The following BCAS1 variants were observed in gnomAD, a reference collection of about 807,000 sequenced individuals.
The protein encoded by BCAS1 is brain enriched myelin associated protein 1.
BCAS1 carries 46 observed loss-of-function variants against 65.4 expected under a neutral mutation model. The observed-to-expected ratio is 0.70, with a 90% confidence interval of 0.55 to 0.90. BCAS1 has a LOEUF of 0.90. BCAS1 is among the 40% of genes least tolerant of loss of function. The pLI, the probability that BCAS1 is intolerant of heterozygous loss-of-function variation, is 0.00. For missense variants in BCAS1, 793 were observed against 771.2 expected, an observed-to-expected ratio of 1.03 and a Z score of -0.33; for synonymous variants, 298 against 293.5, an observed-to-expected ratio of 1.02 and a Z score of -0.16.
intron 4 of BCAS1, among the ~76,000 whole-genome samples, chr20:54,016,532 T>C (rs1215877674): frequency 6.6e-6 from 1 of 152,220 alleles, no homozygotes; most frequent in African/African-American, 2.4e-5. Flanking sequence ...TCCTGACCTA[T>C]CAATCAATAA....
Position 53,943,821 on chromosome 20 carries a change from C to T in BCAS1, c.*1101G>A, listed in dbSNP as rs1274020587. 3 of 151,752 alleles carry T rather than the reference C, an allele frequency of 2.0e-5. No homozygotes were observed. Among genetic ancestry groups the T allele is most frequent in the African/African-American group, 7.3e-5 (3 of 41,322 alleles). The allele number at this position is 151,752 out of a possible 1,614,324, so 9.4% of individuals were successfully genotyped here. On this transcript the variant is annotated 3_prime_UTR_variant, in exon 13 of 13. Coordinates refer to ENST00000688948, the MANE Select transcript of BCAS1 (RefSeq NM_001366298.2). ...TCAGACGGAACAGATGAAGCGAGCC[C>T]CTCAGCCATCTGAGAAACATTAATA...
At chr20:53,966,405 C>T (rs534494498) in intron 10 of BCAS1, among the ~76,000 whole-genome samples, 2 of 152,256 alleles carry the variant, frequency 1.3e-5, no homozygotes, top group East Asian at 1.9e-4. Flanking sequence ...TATGTTCTCA[C>T]TCATAATTGG....
In BCAS1 at chr20:53,985,427, G is replaced by T. The variant is rs749019655; in HGVS notation, c.1135C>A (p.Gln379Lys). The change falls in exon 8 of 13, where the codon CAA becomes AAA. Residue 379 changes from glutamine to lysine, a missense_variant. Gln to Lys is a moderately conservative substitution (Grantham distance 53). Coordinates refer to ENST00000688948, the MANE Select transcript of BCAS1 (RefSeq NM_001366298.2). ...DKANFTSQET[Q>K]GAGKNSKGCN... ...CCTTTGGAATTCTTGCCAGCCCCTT[G>T]GGTCTCCTGGGATGTAAAGTTGGCT... is the stretch of plus-strand genomic sequence containing the variant. 1.2e-6 allele frequency: 2 copies of T among 1,613,974 alleles called. No individual in the cohort carries two copies. Among genetic ancestry groups the T allele is most frequent in the Admixed American group, 3.3e-5 (2 of 59,998 alleles).
intron 12 of BCAS1, among the ~76,000 whole-genome samples, chr20:53,945,712 G>T (rs2089292076): frequency 6.6e-6 from 1 of 152,182 alleles, no homozygotes; most frequent in Non-Finnish European, 1.5e-5. Context: ...CCTAGCACAT[G>T]GTACCTAGCC....
chr20:54,009,388 C>G (rs538057097), intron 4 of BCAS1, among the ~76,000 whole-genome samples: 1 of 152,106 alleles, frequency 6.6e-6, no homozygotes, highest in South Asian at 2.1e-4. Flanking sequence ...GCAAGAGAGT[C>G]AAGGTACAGA....
At chr20:54,003,840 A>G (rs2091118828) in intron 4 of BCAS1, among the ~76,000 whole-genome samples, 1 of 152,220 alleles carries the variant, frequency 6.6e-6, no homozygotes, top group South Asian at 2.1e-4. Flanking sequence ...TTTGGAAGAG[A>G]TGTACTTTTT....
intron 3 of BCAS1, among the ~76,000 whole-genome samples, chr20:54,042,268 G>A (rs933111513): frequency 6.6e-6 from 1 of 150,768 alleles, no homozygotes; most frequent in Admixed American, 6.6e-5. Context: ...GGAGGAAGTC[G>A]ATCAGAAAAA....
chr20:54,062,877 C>G (rs2092392690), intron 1 of BCAS1, among the ~76,000 whole-genome samples: 1 of 152,202 alleles, frequency 6.6e-6, no homozygotes. Flanking sequence ...TCCTGCCTGT[C>G]CATCAACCTT....
intron 1 of BCAS1, among the ~76,000 whole-genome samples, chr20:54,069,695 G>A (rs2092491350): frequency 6.6e-6 from 1 of 152,216 alleles, no homozygotes; most frequent in South Asian, 2.1e-4. Context: ...AGTCCTCTCA[G>A]CCCTTTGATC....
At chr20:53,962,504 G>T (rs927441263) in intron 10 of BCAS1, among the ~76,000 whole-genome samples, 1 of 152,102 alleles carries the variant, frequency 6.6e-6, no homozygotes, top group Non-Finnish European at 1.5e-5. Flanking sequence ...TAATATTGAC[G>T]AAGTATAAAA....
intron 3 of BCAS1, among the ~76,000 whole-genome samples, chr20:54,046,256 G>A (rs958256612): frequency 2.0e-5 from 3 of 152,180 alleles, no homozygotes; most frequent in Admixed American, 6.5e-5. Context: ...AGGGCCGGGT[G>A]CGGTGGCTCA....
At chr20:54,039,661 T>C (rs994692882) in intron 3 of BCAS1, among the ~76,000 whole-genome samples, 1 of 151,482 alleles carries the variant, frequency 6.6e-6, no homozygotes, top group Admixed American at 6.6e-5. Flanking sequence ...TATTTTCATT[T>C]AAAGACAAAT....
chr20:54,041,444 G>T (rs2091989306), intron 3 of BCAS1, among the ~76,000 whole-genome samples: 1 of 141,064 alleles, frequency 7.1e-6, no homozygotes, highest in African/African-American at 2.5e-5. Context: ...GAAAAGACAT[G>T]CAGCCAGCTT....
intron 3 of BCAS1, among the ~76,000 whole-genome samples, chr20:54,034,113 G>A (rs1490896467): frequency 6.6e-6 from 1 of 151,228 alleles, no homozygotes; most frequent in Non-Finnish European, 1.5e-5. Context: ...CAATAAACTA[G>A]GTATTGAAGG....
At chr20:53,950,477 C>G (rs898286757) in intron 12 of BCAS1, among the ~76,000 whole-genome samples, 3 of 152,004 alleles carry the variant, frequency 2.0e-5, no homozygotes, top group Admixed American at 6.6e-5. Flanking sequence ...CACACACCCC[C>G]CCATCCATAC....
At chr20:53,967,309 G>T (rs2090060703) in intron 9 of BCAS1, among the ~76,000 whole-genome samples, 1 of 152,072 alleles carries the variant, frequency 6.6e-6, no homozygotes, top group Non-Finnish European at 1.5e-5. Flanking sequence ...TCCCCAAGGG[G>T]AAGAACAGAT....
rs1460615556 is a variant in BCAS1, at chr20:53,943,770, A to T, written c.*1152T>A. 1 of 152,178 alleles carries T rather than the reference A, an allele frequency of 6.6e-6. No individual in the cohort carries two copies. The allele number at this position is 152,178 out of a possible 1,614,324, so 9.4% of individuals were successfully genotyped here. A position where few individuals can be genotyped will look rare whatever the true frequency, so the allele number is the denominator to read the frequency against. On this transcript the variant is annotated 3_prime_UTR_variant, in exon 13 of 13. Transcript: ENST00000688948. ...CAGAGCACATCCTGAGAACATTAGGAATGACAGACACACTTGAGATAAGTG... is the reference window on the plus strand; with the variant it reads ...CAGAGCACATCCTGAGAACATTAGGTATGACAGACACACTTGAGATAAGTG...
At chr20:54,058,200 A>C (rs2092326122) in intron 2 of BCAS1, 46 bp from the exon 3 acceptor site, 8 of 1,546,482 alleles carry the variant, frequency 5.2e-6, no homozygotes, top group Non-Finnish European at 7.1e-6. Flanking sequence ...TCGGGGGAAA[A>C]TCAGAAGAAC....
intron 11 of BCAS1, among the ~76,000 whole-genome samples, chr20:53,955,354 AGCAAAT>A (rs1371510315): frequency 1.3e-5 from 2 of 152,232 alleles, no homozygotes; most frequent in African/African-American, 4.8e-5. Flanking sequence ...TCAGAGTTGC[AGCAAAT>A]GCTAAGATAT....
Sources: gnomAD v4.1 joint callset for allele counts (sites outside exome capture counted in the v4.1 genomes callset) on GRCh38, gnomAD v4.1.1 for gene constraint, MANE v1.5 for transcripts, NCBI Gene and HGNC (gene_info 2026-07-23, HGNC 2026-07-21) for gene names.